KCNJ15: variants seen among roughly 807,000 people sequenced by gnomAD.
KCNJ15 encodes ATP-sensitive inward rectifier potassium channel 15.
In KCNJ15, 14 loss-of-function variants were observed where a neutral mutation model predicts 23.0. That is an observed-to-expected ratio of 0.61 (90% CI 0.40 to 0.95). KCNJ15 has a LOEUF of 0.95. Among genes scored for constraint, KCNJ15 ranks in the 40% least tolerant of loss-of-function variants. KCNJ15 has a pLI of 0.00. For missense variants in KCNJ15, 388 were observed against 461.8 expected, an observed-to-expected ratio of 0.84 and a Z score of 1.46; for synonymous variants, 185 against 183.2, an observed-to-expected ratio of 1.01 and a Z score of -0.08.
chr21:38,261,914 GT>G (rs1980943147), intron 1 of KCNJ15, among the ~76,000 whole-genome samples: 1 of 152,124 alleles, frequency 6.6e-6, no homozygotes, highest in Non-Finnish European at 1.5e-5. Flanking sequence ...TTTTTCCTTA[GT>G]TTCTATTAAC....
At chr21:38,277,609 A>G (rs199575545) in intron 1 of KCNJ15, among the ~76,000 whole-genome samples, 1 of 151,916 alleles carries the variant, frequency 6.6e-6, no homozygotes, top group Admixed American at 6.5e-5. Context: ...GTCATCTACC[A>G]AGTCATCTGC....
At chr21:38,258,950 C>A (rs1250873954) in intron 1 of KCNJ15, among the ~76,000 whole-genome samples, 1 of 152,088 alleles carries the variant, frequency 6.6e-6, no homozygotes, top group Admixed American at 6.6e-5. Flanking sequence ...CTCAGCACAA[C>A]CTCACTCTGC....
chr21:38,288,043 T>C lies in KCNJ15; in HGVS notation c.-116-8883T>C, dbSNP rs954776886. On this transcript the variant is annotated intron_variant, in intron 1 of 2. Coordinates refer to ENST00000398938, the MANE Select transcript of KCNJ15 (RefSeq NM_170736.3). ...GTTTTTTTCTTTGTTTTTTTTTTTT[T>C]TTTTTTTTTTTTTTTGAGATGGAGT... 9.8e-5 allele frequency among the ~76,000 whole-genome samples: 9 copies of C among 92,176 alleles called. 1 individual carries two copies. The highest frequency in any genetic ancestry group is 3.3e-4 in the African/African-American group (9 of 27,036). The allele number at this position is 92,176 out of a possible 152,430, so 60.5% of individuals were successfully genotyped here. A position where few individuals can be genotyped will look rare whatever the true frequency, so the allele number is the denominator to read the frequency against.
upstream of KCNJ15, among the ~76,000 whole-genome samples, chr21:38,252,760 G>A (rs1284074535): frequency 6.6e-6 from 1 of 152,154 alleles, no homozygotes; most frequent in Admixed American, 6.6e-5. Flanking sequence ...CTGCACCATG[G>A]ATTGCAAAGC....
At chr21:38,255,906 C>T (rs1980184945), upstream of KCNJ15, among the ~76,000 whole-genome samples, 1 of 152,200 alleles carries the variant, frequency 6.6e-6, no homozygotes, top group South Asian at 2.1e-4. Flanking sequence ...ACCGACATGC[C>T]TGGGCAGGGG....
At chr21:38,282,165 A>T (rs1983418891) in intron 1 of KCNJ15, among the ~76,000 whole-genome samples, 1 of 152,132 alleles carries the variant, frequency 6.6e-6, no homozygotes, top group Admixed American at 6.5e-5. Flanking sequence ...GATTCATTTT[A>T]AAATATGTAT....
intron 1 of KCNJ15, among the ~76,000 whole-genome samples, chr21:38,242,355 T>C (rs958560773): frequency 2.6e-5 from 4 of 152,096 alleles, no homozygotes; most frequent in African/African-American, 9.7e-5. Context: ...GCCCCAGTGA[T>C]AGTGAGCTGG....
At chr21:38,272,162 T>A (rs898347159) in intron 1 of KCNJ15, 1 of 152,200 alleles carries the variant, frequency 6.6e-6, no homozygotes, top group Non-Finnish European at 1.5e-5. Flanking sequence ...CTGTGGTAGT[T>A]AATTCTGCTT....
At position 38,303,996 on chromosome 21, in the gene KCNJ15, G is replaced by A. The variant is rs1400175437; in HGVS notation, c.*3607G>A. On this transcript the variant is annotated 3_prime_UTR_variant, in exon 3 of 3. Coordinates refer to ENST00000398938, the MANE Select transcript of KCNJ15 (RefSeq NM_170736.3). ...CACATGGCACAGTGAATACTCTCAC[G>A]CTCTCAATTTTGGCTTTCATTCTTG... 2 of 151,372 alleles carry A rather than the reference G, an allele frequency of 1.3e-5. No individual in the cohort carries two copies. Among genetic ancestry groups the A allele is most frequent in the East Asian group, 1.9e-4 (1 of 5,166 alleles). 9.4% of individuals were successfully genotyped at this position (151,372 alleles called of 1,614,324 possible).
At chr21:38,238,780 T>C (rs1280830350) in intron 1 of KCNJ15, 3 of 329,402 alleles carry the variant, frequency 9.1e-6, no homozygotes, top group Non-Finnish European at 1.2e-5. Context: ...AATGATTAGA[T>C]AAAAGTGCTT....
At chr21:38,248,918 G>A (rs1979638547) in intron 1 of KCNJ15, among the ~76,000 whole-genome samples, 1 of 151,884 alleles carries the variant, frequency 6.6e-6, no homozygotes, top group Non-Finnish European at 1.5e-5. Flanking sequence ...AACTGCATAA[G>A]GACCCTGGGA....
intron 1 of KCNJ15, among the ~76,000 whole-genome samples, chr21:38,289,249 T>A (rs554887298): frequency 3.5e-4 from 52 of 149,902 alleles, no homozygotes; most frequent in Non-Finnish European, 6.2e-4. Context: ...ACCAGTATTA[T>A]CTGCAAAAAC....
chr21:38,232,311 A>C (rs1978332466), intron 1 of KCNJ15, among the ~76,000 whole-genome samples: 1 of 151,626 alleles, frequency 6.6e-6, no homozygotes, highest in African/African-American at 2.4e-5. Context: ...TTAATTCTCG[A>C]TTTTAATAAT....
intron 1 of KCNJ15, among the ~76,000 whole-genome samples, chr21:38,264,856 C>G (rs1981297775): frequency 6.6e-6 from 1 of 151,972 alleles, no homozygotes; most frequent in Admixed American, 6.5e-5. Context: ...GTAAACCCAA[C>G]AGAGGAGAAA....
chr21:38,288,030 G>C (rs8133557), intron 1 of KCNJ15, among the ~76,000 whole-genome samples: 1 of 81,446 alleles, frequency 1.2e-5, no homozygotes, highest in African/African-American at 5.0e-5. Flanking sequence ...TTTTTTCTTT[G>C]TTTTTTTTTT....
intron 1 of KCNJ15, among the ~76,000 whole-genome samples, chr21:38,276,490 T>C (rs1416998197): frequency 6.6e-6 from 1 of 152,124 alleles, no homozygotes; most frequent in Non-Finnish European, 1.5e-5. Flanking sequence ...AGGAATAGCA[T>C]GTTAGAAACT....
At chr21:38,242,240 G>A (rs1007312643) in intron 1 of KCNJ15, among the ~76,000 whole-genome samples, 4 of 152,162 alleles carry the variant, frequency 2.6e-5, no homozygotes, top group Middle Eastern at 3.2e-3. Flanking sequence ...AACAGAAAAT[G>A]TAACCAGGGA....
At chr21:38,290,300 T>C (rs1403766123) in intron 1 of KCNJ15, among the ~76,000 whole-genome samples, 3 of 152,116 alleles carry the variant, frequency 2.0e-5, no homozygotes, top group Non-Finnish European at 4.4e-5. Flanking sequence ...TTTTAAAGAA[T>C]TCGCATCGAG....
Position 38,301,009 on chromosome 21 carries a change from G to A in KCNJ15, c.*620G>A, listed in dbSNP as rs766738176. On this transcript the variant is annotated 3_prime_UTR_variant, in exon 3 of 3. Transcript: ENST00000398938. Reference sequence around the variant, plus strand: ...ATCAGATCTGTAATTCACAACTGTGGAAACCTACACAAATGGGGCTGATGC... The same window carrying A: ...ATCAGATCTGTAATTCACAACTGTGAAAACCTACACAAATGGGGCTGATGC... 5.4e-5 allele frequency: 9 copies of A among 166,944 alleles called. No homozygotes were observed. The highest frequency in any genetic ancestry group is 1.2e-4 in the Non-Finnish European group (8 of 68,106). The allele number at this position is 166,944 out of a possible 1,614,324, so 10.3% of individuals were successfully genotyped here.
Sources: gnomAD v4.1 joint callset for allele counts (sites outside exome capture counted in the v4.1 genomes callset) on GRCh38, gnomAD v4.1.1 for gene constraint, MANE v1.5 for transcripts, NCBI Gene and HGNC (gene_info 2026-07-23, HGNC 2026-07-21) for gene names.